Variants in KCNIP4 observed in about 807,000 individuals in gnomAD.
KCNIP4 encodes the protein Kv channel-interacting protein 4.
Under a neutral mutation model 34.0 loss-of-function variants are expected in KCNIP4, and 12 were observed. The ratio of observed to expected loss-of-function variants is 0.35; its 90% CI spans 0.23 to 0.57. KCNIP4 has a LOEUF of 0.57. Ranked by LOEUF, KCNIP4 falls within the 20% of genes least tolerant of loss-of-function variation. KCNIP4 has a pLI of 0.83. For synonymous variants in KCNIP4, 124 were observed against 102.2 expected (o/e 1.21, Z -1.29); for missense variants, 238 against 311.7 (o/e 0.76, Z 1.78).
chr4:21,043,586 G>A (rs1054392577), intron 1 of KCNIP4, among the ~76,000 whole-genome samples: 17 of 151,656 alleles, frequency 1.1e-4, no homozygotes, highest in Non-Finnish European at 1.9e-4. Context: ...TGATCCACCC[G>A]CCTTGGCCTC....
intron 3 of KCNIP4, among the ~76,000 whole-genome samples, chr4:20,826,611 A>AACAC (rs1403728047): frequency 6.6e-6 from 1 of 151,896 alleles, no homozygotes; most frequent in East Asian, 1.9e-4. Context: ...CAAACAAACA[A>AACAC]ACAAACAAAA....
At chr4:21,019,527 C>T (rs1002307631) in intron 1 of KCNIP4, among the ~76,000 whole-genome samples, 10 of 152,116 alleles carry the variant, frequency 6.6e-5, no homozygotes, top group Non-Finnish European at 1.0e-4. Flanking sequence ...TTCTGAGTTA[C>T]TGGGAGTGAG....
intron 1 of KCNIP4, among the ~76,000 whole-genome samples, chr4:21,530,688 C>G (rs1269626337): frequency 6.6e-6 from 1 of 152,136 alleles, no homozygotes; most frequent in Non-Finnish European, 1.5e-5. Context: ...AAGGAGTTAT[C>G]AAAAGCTTCC....
chr4:21,755,506 G>A (rs923589372), intron 1 of KCNIP4, among the ~76,000 whole-genome samples: 1 of 152,060 alleles, frequency 6.6e-6, no homozygotes, highest in African/African-American at 2.4e-5. Context: ...GAAGGACAAG[G>A]GGCTAGTGAC....
chr4:20,934,984 A>G (rs898269274), intron 1 of KCNIP4, among the ~76,000 whole-genome samples: 4 of 152,170 alleles, frequency 2.6e-5, no homozygotes, highest in African/African-American at 7.2e-5. Flanking sequence ...TTTAAGCAAC[A>G]TCACTCCAGT....
chr4:21,204,908 A>G (rs1023950784), intron 1 of KCNIP4, among the ~76,000 whole-genome samples: 3 of 152,214 alleles, frequency 2.0e-5, no homozygotes, highest in Admixed American at 1.3e-4. Context: ...CAAGGGATTT[A>G]CCATTCATTA....
chr4:21,421,108 T>C (rs755450359), intron 1 of KCNIP4, among the ~76,000 whole-genome samples: 3 of 152,166 alleles, frequency 2.0e-5, no homozygotes, highest in Non-Finnish European at 4.4e-5. Flanking sequence ...CCTGTTAAAA[T>C]GGCTATTATC....
chr4:21,487,848 A>G (rs1732052267), intron 1 of KCNIP4, among the ~76,000 whole-genome samples: 2 of 152,230 alleles, frequency 1.3e-5, no homozygotes, highest in Admixed American at 1.3e-4. Context: ...GCATCATTGT[A>G]GATTTTTTAA....
intron 2 of KCNIP4, among the ~76,000 whole-genome samples, chr4:20,873,252 G>C (rs568037513): frequency 2.0e-5 from 3 of 152,268 alleles, no homozygotes; most frequent in African/African-American, 7.2e-5. Context: ...ATTGTTAGGT[G>C]CTGGGTGAGT....
At position 21,765,819 on chromosome 4, in the gene KCNIP4, G is replaced by GAAAA. The variant is rs374486594; in HGVS notation, c.61+182748_61+182751dup. On this transcript the variant is annotated intron_variant, in intron 1 of 8. Transcript: ENST00000382152. ...CCCAGAGATCTTAGCACCAGGCCGT[G>GAAAA]AAAAAAAAAAAAAAAAAAAACAAAC... is the stretch of plus-strand genomic sequence containing the variant. Among the ~76,000 whole-genome samples, 57 of 95,094 alleles carry GAAAA rather than the reference G, an allele frequency of 6.0e-4. 1 individual carries two copies. Among genetic ancestry groups the GAAAA allele is most frequent in the Admixed American group, 5.8e-3 (36 of 6,158 alleles). The allele number at this position is 95,094 out of a possible 152,430, so 62.4% of individuals were successfully genotyped here. A position where few individuals can be genotyped will look rare whatever the true frequency, so the allele number is the denominator to read the frequency against.
At chr4:21,638,618 G>T (rs1746395759) in intron 1 of KCNIP4, among the ~76,000 whole-genome samples, 1 of 152,168 alleles carries the variant, frequency 6.6e-6, no homozygotes, top group African/African-American at 2.4e-5. Context: ...GGGCAGCAAA[G>T]ATTTCAATTT....
At chr4:21,836,613 C>T (rs1350508014) in intron 1 of KCNIP4, among the ~76,000 whole-genome samples, 1 of 152,074 alleles carries the variant, frequency 6.6e-6, no homozygotes, top group African/African-American at 2.4e-5. Flanking sequence ...TAACATGATG[C>T]CTTACTTCAC....
intron 1 of KCNIP4, among the ~76,000 whole-genome samples, chr4:21,322,885 C>T (rs917815099): frequency 1.3e-5 from 2 of 152,058 alleles, no homozygotes; most frequent in Admixed American, 6.6e-5. Context: ...ACTGCTTGTC[C>T]TTGTCCTCAA....
chr4:21,599,727 T>C (rs1560549745), intron 1 of KCNIP4, among the ~76,000 whole-genome samples: 1 of 152,094 alleles, frequency 6.6e-6, no homozygotes. Flanking sequence ...TGAGCAGAGT[T>C]GCTCTGGCCA....
At chr4:20,949,081 C>T (rs1186488740) in intron 1 of KCNIP4, among the ~76,000 whole-genome samples, 1 of 152,148 alleles carries the variant, frequency 6.6e-6, no homozygotes, top group African/African-American at 2.4e-5. Flanking sequence ...CACATGATTT[C>T]ATATAAATGT....
At chr4:20,872,445 G>T (rs1723579189) in intron 2 of KCNIP4, among the ~76,000 whole-genome samples, 1 of 152,064 alleles carries the variant, frequency 6.6e-6, no homozygotes, top group Non-Finnish European at 1.5e-5. Flanking sequence ...ATGTAAGAAG[G>T]CTAAACTTGA....
At chr4:21,337,457 G>C (rs115622649) in intron 1 of KCNIP4, among the ~76,000 whole-genome samples, 3,391 of 152,222 alleles carry the variant, frequency 0.022, 70 homozygotes, top group East Asian at 0.061. Flanking sequence ...AAAAAAGAAT[G>C]GAGTCTCCTT....
chr4:21,836,043 A>G (rs1723298236), intron 1 of KCNIP4, among the ~76,000 whole-genome samples: 3 of 152,158 alleles, frequency 2.0e-5, no homozygotes, highest in Non-Finnish European at 4.4e-5. Context: ...GGCAAAATTA[A>G]GCCAAAATTC....
chr4:21,456,264 T>C (rs1011844637), intron 1 of KCNIP4, among the ~76,000 whole-genome samples: 1 of 147,592 alleles, frequency 6.8e-6, no homozygotes, highest in Non-Finnish European at 1.5e-5. Flanking sequence ...CTGAAATTCC[T>C]TGCCCTTTCC....
Sources: gnomAD v4.1 joint callset for allele counts (sites outside exome capture counted in the v4.1 genomes callset) on GRCh38, gnomAD v4.1.1 for gene constraint, MANE v1.5 for transcripts, NCBI Gene and HGNC (gene_info 2026-07-23, HGNC 2026-07-21) for gene names.